Variants in PEAR1 observed in about 807,000 individuals in gnomAD.
PEAR1 encodes the protein multiple EGF-like domains protein 12.
PEAR1 carries 113 observed loss-of-function variants against 131.2 expected under a neutral mutation model. The observed-to-expected ratio is 0.86, with a 90% confidence interval of 0.74 to 1.01. The LOEUF (loss-of-function observed/expected upper bound fraction) is 1.01. Ranked by LOEUF, PEAR1 falls within the 50% of genes least tolerant of loss-of-function variation. PEAR1 has a pLI of 0.00. For missense variants in PEAR1, 1,408 were observed against 1,391.1 expected, an observed-to-expected ratio of 1.01 and a Z score of -0.19; for synonymous variants, 565 against 523.3, an observed-to-expected ratio of 1.08 and a Z score of -1.09.
chr1:156,899,676 A>G (rs1406461030), intron 1 of PEAR1, among the ~76,000 whole-genome samples: 2 of 152,202 alleles, frequency 1.3e-5, no homozygotes, highest in Non-Finnish European at 2.9e-5. Flanking sequence ...AACTGAGCAT[A>G]TTAGGTACTG....
chr1:156,909,735 C>T lies in PEAR1; in HGVS notation c.1412-16C>T. On this transcript the variant is annotated splice_polypyrimidine_tract_variant and intron_variant, in intron 11 of 22. Transcript: ENST00000292357. The stretch of plus-strand genomic sequence containing the variant: ...GAAATGGGTCCCCATACCTACCTAC[C>T]AGGCCCCTCCTCCAGGTTGGCAGCG... The T allele has an allele frequency of 6.3e-7, 1 of 1,583,962 alleles. No homozygotes were observed. The highest frequency in any genetic ancestry group is 1.1e-5 in the South Asian group (1 of 87,184).
At chr1:156,899,730 C>T (rs565622300) in intron 1 of PEAR1, among the ~76,000 whole-genome samples, 4 of 151,910 alleles carry the variant, frequency 2.6e-5, no homozygotes, top group African/African-American at 7.3e-5. Flanking sequence ...GTCTGCACAG[C>T]GACCCTACAA....
At chr1:156,896,587 G>A (rs995670998) in intron 1 of PEAR1, among the ~76,000 whole-genome samples, 4 of 152,226 alleles carry the variant, frequency 2.6e-5, no homozygotes, top group African/African-American at 4.8e-5. Flanking sequence ...GCCCTGGGGC[G>A]TAGCCCGCTC....
rs1004573545 is a variant in PEAR1 at position 156,907,883 on chromosome 1, C to T, written c.766-32C>T. On this transcript the variant is annotated intron_variant, in intron 7 of 22. Transcript: ENST00000292357. ...GTGGCCTTGGGGAGGAGGCTGGGTGCCTGGGGCCCTGTTGACCTCTTATCC... is the reference window on the plus strand; with the variant it reads ...GTGGCCTTGGGGAGGAGGCTGGGTGTCTGGGGCCCTGTTGACCTCTTATCC... 7.5e-6 allele frequency: 12 copies of T among 1,594,110 alleles called. No individual in the cohort carries two copies. The South Asian group carries it at 7.8e-5, about 10-fold the overall frequency.
chr1:156,907,773 G>C, intron 7 of PEAR1, 43 bp downstream of exon 7: 1 of 1,582,254 alleles, frequency 6.3e-7, no homozygotes, highest in Non-Finnish European at 8.6e-7. Flanking sequence ...TGGGTCTGGG[G>C]AGAATTCTGT....
chr1:156,913,071 G>A (rs1651427478), intron 18 of PEAR1, 89 bp downstream of exon 18: 11 of 1,566,056 alleles, frequency 7.0e-6, no homozygotes, highest in Middle Eastern at 1.7e-4. Flanking sequence ...GGGAAGATGA[G>A]GAGTGGGGAG....
chr1:156,912,256 C>G lies in PEAR1; in HGVS notation c.1961C>G (p.Pro654Arg), dbSNP rs202159164. ...CCCATGTCTCCCGTAGCATGCCCTC[C>G]AGGACACTGGGGAGAAAACTGTGCC... ...TGPDCSQPCP[P>R]GHWGENCAQT... The change falls in exon 16 of 23, where the codon CCA becomes CGA. Residue 654 changes from proline (P) to arginine (R), a missense_variant. Coordinates refer to ENST00000292357, the MANE Select transcript of PEAR1 (RefSeq NM_001080471.3). 6.8e-6 allele frequency: 11 copies of G among 1,612,988 alleles called. No individual in the cohort carries two copies. Among genetic ancestry groups the G allele is most frequent in the Non-Finnish European group, 9.3e-6 (11 of 1,179,604 alleles).
chr1:156,909,689 C>T, intron 11 of PEAR1, 62 bp from the exon 12 acceptor site: 1 of 1,541,330 alleles, frequency 6.5e-7, no homozygotes, highest in Non-Finnish European at 8.8e-7. Context: ...CCAGCTCCCA[C>T]TGTGTGCTTG....
chr1:156,900,747 T>A (rs1315149980), intron 1 of PEAR1, among the ~76,000 whole-genome samples: 2 of 152,086 alleles, frequency 1.3e-5, no homozygotes, highest in Non-Finnish European at 2.9e-5. Flanking sequence ...GGAGGGGGCC[T>A]CTGCATGAGA....
intron 22 of PEAR1, 78 bp downstream of exon 22, chr1:156,914,178 A>G: frequency 6.8e-7 from 1 of 1,464,284 alleles, no homozygotes; most frequent in Non-Finnish European, 9.0e-7. Context: ...GAACAGAGGG[A>G]GAAGAGAAGG....
In PEAR1 at chr1:156,913,516, G is replaced by A; in HGVS notation, c.2637G>A (p.Leu879=). ...GCCGGGAGCCCCCTCCAGGGCCTCT[G>A]GACAGGGGTAGGTGCCGGGAGGCCA... is the stretch of plus-strand genomic sequence containing the variant. The part of the protein sequence containing the change: ...KHRREPPPGP[L]DRGSSRLDRS... The change falls in exon 20 of 23, where the codon CTG becomes CTA. Residue 879 remains leucine, a synonymous_variant. Transcript: ENST00000292357. The A allele has an allele frequency of 6.2e-7, 1 of 1,612,586 alleles. No individual in the cohort carries two copies. Among genetic ancestry groups the A allele is most frequent in the East Asian group, 2.2e-5 (1 of 44,872 alleles).
chr1:156,897,934 G>T (rs1649320996), intron 1 of PEAR1, among the ~76,000 whole-genome samples: 1 of 152,144 alleles, frequency 6.6e-6, no homozygotes, highest in Non-Finnish European at 1.5e-5. Context: ...CACAGAGTGG[G>T]AGAGGGGGCA....
At chr1:156,907,501 T>C in intron 6 of PEAR1, 109 bp from the exon 7 acceptor site, 3 of 1,476,008 alleles carry the variant, frequency 2.0e-6, no homozygotes, top group South Asian at 3.0e-5. Context: ...AAAGAGCAAG[T>C]GTGAATCACT....
intron 1 of PEAR1, among the ~76,000 whole-genome samples, chr1:156,895,002 C>A (rs80342528): frequency 0.026 from 3,961 of 152,328 alleles, 180 homozygotes; most frequent in African/African-American, 0.091. Context: ...GGTGTGGGCG[C>A]AGCCCTCCTA....
chr1:156,900,624 G>A (rs1243643906), intron 1 of PEAR1, among the ~76,000 whole-genome samples: 1 of 152,166 alleles, frequency 6.6e-6, no homozygotes, highest in Non-Finnish European at 1.5e-5. Context: ...TCAACACCCT[G>A]CCTGTCGCAG....
chr1:156,905,092 G>GGC, intron 3 of PEAR1: 4 of 990,408 alleles, frequency 4.0e-6, no homozygotes, highest in Non-Finnish European at 6.1e-6. Flanking sequence ...TGGGGGGGGG[G>GGC]CAAGAAGGGA....
At position 156,913,929 on chromosome 1, in the gene PEAR1, C is replaced by G. The variant is rs1651581271; in HGVS notation, c.2791C>G (p.Leu931Val). ...GAACCCATATGCCACCATCCGGGAC[C>G]TGCCCAGCTTGCCAGGGGGCCCCCG... ...SENPYATIRD[L>V]PSLPGGPRES... The change falls in exon 22 of 23, where the codon CTG becomes GTG. Residue 931 changes from leucine to valine, a missense_variant. Coordinates refer to ENST00000292357, the MANE Select transcript of PEAR1 (RefSeq NM_001080471.3). The G allele has an allele frequency of 1.2e-6, 2 of 1,613,976 alleles. No individual in the cohort carries two copies. The highest frequency in any genetic ancestry group is 2.2e-5 in the East Asian group (1 of 44,884).
chr1:156,894,528 A>T (rs552664634), intron 1 of PEAR1, among the ~76,000 whole-genome samples: 2 of 152,268 alleles, frequency 1.3e-5, no homozygotes, highest in African/African-American at 4.8e-5. Flanking sequence ...CATCTTTGCC[A>T]GTTATGAGGA....
intron 1 of PEAR1, among the ~76,000 whole-genome samples, chr1:156,899,273 A>G (rs1649449314): frequency 6.6e-6 from 1 of 152,130 alleles, no homozygotes; most frequent in Non-Finnish European, 1.5e-5. Context: ...GTGATGAGAG[A>G]GAGAGGGAGA....
Sources: gnomAD v4.1 joint callset for allele counts (sites outside exome capture counted in the v4.1 genomes callset) on GRCh38, gnomAD v4.1.1 for gene constraint, MANE v1.5 for transcripts, NCBI Gene and HGNC (gene_info 2026-07-23, HGNC 2026-07-21) for gene names.